The following BNC2 variants were observed in gnomAD, a reference collection of about 807,000 sequenced individuals.
BNC2 encodes the protein basonuclin zinc finger protein 2, also known as zinc finger protein basonuclin-2.
Under a neutral mutation model 76.3 loss-of-function variants are expected in BNC2, and 20 were observed. The observed-to-expected ratio is 0.26, with a 90% CI of 0.18 to 0.38. BNC2 has a LOEUF of 0.38. Ranked by LOEUF, BNC2 falls within the 10% of genes least tolerant of loss-of-function variation. The probability of loss-of-function intolerance (pLI) is 1.00; values close to 1 mark genes in which losing one functional copy is unlikely to be tolerated. For synonymous variants in BNC2, 582 were observed against 514.8 expected (o/e 1.13, Z -1.77); for missense variants, 1,382 against 1,399.8 (o/e 0.99, Z 0.20).
At chr9:16,638,220 T>C (rs948466221) in intron 3 of BNC2, among the ~76,000 whole-genome samples, 1 of 152,194 alleles carries the variant, frequency 6.6e-6, no homozygotes, top group Non-Finnish European at 1.5e-5. Context: ...TCTAACAGTG[T>C]TTTGTTATTT....
intron 5 of BNC2, among the ~76,000 whole-genome samples, chr9:16,513,418 T>C (rs945762042): frequency 1.3e-5 from 2 of 149,116 alleles, no homozygotes; most frequent in African/African-American, 2.5e-5. Context: ...ACCATTCTCC[T>C]GCCTCAGCCT....
chr9:16,449,146 T>C (rs1043574319), intron 5 of BNC2, among the ~76,000 whole-genome samples: 2 of 152,170 alleles, frequency 1.3e-5, no homozygotes, highest in African/African-American at 2.4e-5. Context: ...GCGTACATTA[T>C]AGAGCACAAG....
At chr9:16,802,038 C>A (rs527595734) in intron 1 of BNC2, among the ~76,000 whole-genome samples, 1 of 152,216 alleles carries the variant, frequency 6.6e-6, no homozygotes, top group African/African-American at 2.4e-5. Flanking sequence ...TTATGCCACA[C>A]GCCTGCTTCG....
intron 1 of BNC2, among the ~76,000 whole-genome samples, chr9:16,814,898 T>G (rs769510304): frequency 3.3e-5 from 5 of 152,158 alleles, no homozygotes; most frequent in Non-Finnish European, 5.9e-5. Context: ...TCAAGAGAGA[T>G]AATGTTATTC....
intron 3 of BNC2, among the ~76,000 whole-genome samples, chr9:16,685,926 G>A (rs904566868): frequency 6.6e-6 from 1 of 152,162 alleles, no homozygotes; most frequent in Admixed American, 6.6e-5. Flanking sequence ...CGGACAGGAG[G>A]AGGGAGACAG....
chr9:16,419,758 A>G (rs1420818057), intron 6 of BNC2, 109 bp from the exon 7 acceptor site: 2 of 751,300 alleles, frequency 2.7e-6, no homozygotes, highest in Non-Finnish European at 4.6e-6. Flanking sequence ...TCAAATAAGC[A>G]CATTCACTTC....
chr9:16,805,302 T>C (rs1817879477), intron 1 of BNC2, among the ~76,000 whole-genome samples: 1 of 152,074 alleles, frequency 6.6e-6, no homozygotes, highest in South Asian at 2.1e-4. Context: ...GGCTATTGTT[T>C]CATTCAAAGG....
intron 5 of BNC2, among the ~76,000 whole-genome samples, chr9:16,533,088 G>C (rs1242735579): frequency 6.6e-6 from 1 of 152,040 alleles, no homozygotes; most frequent in Non-Finnish European, 1.5e-5. Flanking sequence ...CTGTACCCTT[G>C]TGGGAAAAAG....
rs1467108863 is a variant in BNC2, at chr9:16,413,756, G to A, written c.*5233C>T. On this transcript the variant is annotated 3_prime_UTR_variant, in exon 7 of 7. Transcript: ENST00000380672. ...GTACTAACGCAAACAAGACTACCAC[G>A]TGTGGTTTATCTCTGAGGGAAAATG... 7.9e-5 allele frequency: 12 copies of A among 152,200 alleles called. No individual in the cohort carries two copies. Among genetic ancestry groups the A allele is most frequent in the Admixed American group, 5.2e-4 (8 of 15,266 alleles). 9.4% of individuals were successfully genotyped at this position (152,200 alleles called of 1,614,324 possible). A position where few individuals can be genotyped will look rare whatever the true frequency, so the allele number is the denominator to read the frequency against.
At chr9:16,710,634 T>C (rs1436261098) in intron 3 of BNC2, among the ~76,000 whole-genome samples, 3 of 152,122 alleles carry the variant, frequency 2.0e-5, no homozygotes, top group Non-Finnish European at 4.4e-5. Flanking sequence ...GTAGGATTTG[T>C]TCTATCCCCA....
chr9:16,713,597 G>A (rs774439121), intron 3 of BNC2, among the ~76,000 whole-genome samples: 92 of 152,130 alleles, frequency 6.0e-4, no homozygotes, highest in South Asian at 3.5e-3. Context: ...AATGTAGATG[G>A]TTGGTGCCAC....
At chr9:16,844,606 T>C (rs1467845151) in intron 1 of BNC2, among the ~76,000 whole-genome samples, 1 of 151,326 alleles carries the variant, frequency 6.6e-6, no homozygotes, top group Non-Finnish European at 1.5e-5. Flanking sequence ...CAAGCGATTC[T>C]TCCTGCCTCA....
intron 6 of BNC2, among the ~76,000 whole-genome samples, chr9:16,422,855 C>T (rs1340330515): frequency 6.6e-6 from 1 of 152,166 alleles, no homozygotes. Context: ...TCAGTCAATC[C>T]AGACCATTAG....
At chr9:16,832,245 A>G (rs1345167536) in intron 1 of BNC2, 12 of 1,263,028 alleles carry the variant, frequency 9.5e-6, no homozygotes, top group Non-Finnish European at 1.2e-5. Flanking sequence ...GTTAAATACC[A>G]GTAGAAGAGA....
At chr9:16,821,618 A>G (rs1818331700) in intron 1 of BNC2, among the ~76,000 whole-genome samples, 1 of 152,180 alleles carries the variant, frequency 6.6e-6, no homozygotes. Flanking sequence ...GCTAAACTGT[A>G]GAAGTTGCAA....
chr9:16,673,326 T>C (rs1336646758), intron 3 of BNC2, among the ~76,000 whole-genome samples: 1 of 152,008 alleles, frequency 6.6e-6, no homozygotes. Flanking sequence ...TATAATAAAC[T>C]TTGCACAGTT....
intron 5 of BNC2, among the ~76,000 whole-genome samples, chr9:16,489,437 T>A (rs888014841): frequency 2.0e-5 from 3 of 152,182 alleles, no homozygotes; most frequent in African/African-American, 7.2e-5. Context: ...TGCAGCAAAA[T>A]CCTAGGACTA....
intron 1 of BNC2, among the ~76,000 whole-genome samples, chr9:16,789,290 T>C (rs933261202): frequency 2.6e-5 from 4 of 151,980 alleles, no homozygotes; most frequent in African/African-American, 9.7e-5. Context: ...TTCGTCTTGA[T>C]TGTCACGGTG....
intron 3 of BNC2, among the ~76,000 whole-genome samples, chr9:16,616,922 G>A (rs1820722371): frequency 6.6e-6 from 1 of 152,034 alleles, no homozygotes; most frequent in Admixed American, 6.6e-5. Context: ...GAACCATTCT[G>A]TCCTAGTTGC....
Sources: gnomAD v4.1 joint callset for allele counts (sites outside exome capture counted in the v4.1 genomes callset) on GRCh38, gnomAD v4.1.1 for gene constraint, MANE v1.5 for transcripts, NCBI Gene and HGNC (gene_info 2026-07-23, HGNC 2026-07-21) for gene names.